PIK3CD: variants seen among roughly 807,000 people sequenced by gnomAD.
PIK3CD encodes phosphatidylinositol-4,5-bisphosphate 3-kinase catalytic subunit delta, also known as phosphatidylinositol 4,5-bisphosphate 3-kinase catalytic subunit delta isoform.
Under a neutral mutation model 122.9 loss-of-function variants are expected in PIK3CD, and 20 were observed. That is an observed-to-expected ratio of 0.16 (90% confidence interval 0.11 to 0.24). PIK3CD has a LOEUF of 0.24. Among genes scored for constraint, PIK3CD ranks in the 10% least tolerant of loss-of-function variants. The pLI is 1.00. For synonymous variants in PIK3CD, 596 were observed against 593.4 expected, an observed-to-expected ratio of 1.00 and a Z score of -0.06; for missense variants, 787 against 1,406.3, an observed-to-expected ratio of 0.56 and a Z score of 7.04.
rs906973167 is a variant in PIK3CD at position 9,721,777 on chromosome 1, C to G, written c.1972C>G (p.Pro658Ala). Residue 658 changes from proline (P) to alanine (A), a missense_variant, in exon 16 of 24, where the codon CCG (proline) becomes GCG (alanine). Pro to Ala is a conservative substitution (Grantham distance 27). Transcript: ENST00000377346. ...FWHLRSEMHVPSVALRFGLIL... is the reference protein window; with the variant it reads ...FWHLRSEMHVASVALRFGLIL... ...ACCTTCCAGCTCCGAGATGCACGTGCCGTCGGTGGCCCTGCGCTTCGGCCT... is the reference window on the plus strand; with the variant it reads ...ACCTTCCAGCTCCGAGATGCACGTGGCGTCGGTGGCCCTGCGCTTCGGCCT... 1 of 1,613,230 alleles carries G rather than the reference C, an allele frequency of 6.2e-7. No individual in the cohort carries two copies. The highest frequency in any genetic ancestry group is 1.3e-5 in the African/African-American group (1 of 75,056).
chr1:9,721,836 C>T lies in PIK3CD; in HGVS notation c.2031C>T (p.His677=). The T allele has an allele frequency of 1.9e-6, 3 of 1,613,186 alleles. No individual in the cohort carries two copies. The South Asian group carries it at 3.3e-5, about 18-fold the overall frequency. The change falls in exon 16 of 24, where the codon CAC becomes CAT. Residue 677 remains histidine (H), a synonymous_variant. Transcript: ENST00000377346. ...ILEAYCRGST[H]HMKVLMKQGE... ...AGGCCTACTGCAGGGGCAGCACCCACCACATGAAGGTGCTGATGAAGCAGG... is the reference window on the plus strand; with the variant it reads ...AGGCCTACTGCAGGGGCAGCACCCATCACATGAAGGTGCTGATGAAGCAGG...
chr1:9,661,478 A>G (rs1645006619), intron 1 of PIK3CD, among the ~76,000 whole-genome samples: 1 of 152,138 alleles, frequency 6.6e-6, no homozygotes, highest in Non-Finnish European at 1.5e-5. Context: ...AGCCTCGACT[A>G]TATGGGCTCA....
the PIK3CD span, among the ~76,000 whole-genome samples, chr1:9,635,585 G>C: frequency 1.3e-5 from 2 of 152,164 alleles, no homozygotes; most frequent in East Asian, 3.8e-4. Context: ...GATACCCCTG[G>C]TCTTATCAAC....
intron 1 of PIK3CD, among the ~76,000 whole-genome samples, chr1:9,686,398 C>T (rs1645968309): frequency 6.7e-6 from 1 of 149,430 alleles, no homozygotes; most frequent in Non-Finnish European, 1.5e-5. Context: ...GACGAGGTCT[C>T]ACTGTTTTGC....
chr1:9,705,099 G>A (rs1646779552), intron 2 of PIK3CD, among the ~76,000 whole-genome samples: 1 of 152,138 alleles, frequency 6.6e-6, no homozygotes, highest in African/African-American at 2.4e-5. Flanking sequence ...TTTAAGTAGA[G>A]AAGTCTTTGC....
intron 1 of PIK3CD, among the ~76,000 whole-genome samples, chr1:9,669,144 C>T (rs377060229): frequency 1.3e-5 from 2 of 152,160 alleles, no homozygotes; most frequent in East Asian, 3.8e-4. Context: ...AATGCCTGCT[C>T]TTGAAACCTT....
the PIK3CD span, among the ~76,000 whole-genome samples, chr1:9,640,041 C>T: frequency 2.0e-5 from 3 of 150,912 alleles, no homozygotes; most frequent in African/African-American, 7.3e-5. Flanking sequence ...CGTGCCCGAC[C>T]TCCTTTCTTT....
At position 9,703,488 on chromosome 1, in the gene PIK3CD, G is replaced by A. The variant is rs185963268; in HGVS notation, c.-32-6936G>A. 3.4e-4 allele frequency among the ~76,000 whole-genome samples: 51 copies of A among 152,238 alleles called. No individual in the cohort carries two copies. The East Asian group carries it at 6.7e-3, about 20-fold the overall frequency. On this transcript the variant is annotated intron_variant, in intron 2 of 23. Coordinates refer to ENST00000377346, the MANE Select transcript of PIK3CD (RefSeq NM_005026.5). ...AACGTAAAGTTACTAGCACCCAGAA[G>A]CCTCCCATGCGCCCTTCTAGTCACT... is the stretch of plus-strand genomic sequence containing the variant.
chr1:9,695,634 G>A (rs1260126059), intron 2 of PIK3CD, among the ~76,000 whole-genome samples: 1 of 152,140 alleles, frequency 6.6e-6, no homozygotes, highest in Non-Finnish European at 1.5e-5. Flanking sequence ...ACTAGGTCAG[G>A]AGTTCAAGAC....
In PIK3CD at chr1:9,723,218, C is replaced by A. The variant is rs1397536891; in HGVS notation, c.2520C>A (p.Asn840Lys). 2 of 1,613,776 alleles carry A rather than the reference C, an allele frequency of 1.2e-6. No individual in the cohort carries two copies. Among genetic ancestry groups the A allele is most frequent in the African/African-American group, 2.7e-5 (2 of 74,928 alleles). The change falls in exon 20 of 24, where the codon AAC becomes AAA. Residue 840 changes from asparagine (N) to lysine (K), a missense_variant. Asn to Lys is a moderately conservative substitution (Grantham distance 94). Around this residue, in one of 6 missense-constraint regions of PIK3CD, gnomAD observed 69 missense variants for 166.8 expected, o/e 0.41. Coordinates refer to ENST00000377346, the MANE Select transcript of PIK3CD (RefSeq NM_005026.5). The surrounding 1 kb of genome is among the most constrained non-coding windows in gnomAD (Gnocchi z 4.9). The stretch of plus-strand genomic sequence containing the variant: ...ACACCATCGCCAACATCCAACTCAA[C>A]AAGAGCAACATGGCAGCCACAGCCG... Reference protein sequence around the residue: ...RSDTIANIQLNKSNMAATAAF... With the variant: ...RSDTIANIQLKKSNMAATAAF...
chr1:9,636,947 G>T, the PIK3CD span, among the ~76,000 whole-genome samples: 1 of 151,696 alleles, frequency 6.6e-6, no homozygotes, highest in Non-Finnish European at 1.5e-5. Context: ...ACCCAGGCTG[G>T]AATGCAGTGG....
chr1:9,719,313 C>T lies in PIK3CD; in HGVS notation c.1242+398C>T, dbSNP rs1365367171. Among the ~76,000 whole-genome samples, 1 of 152,154 alleles carries T rather than the reference C, an allele frequency of 6.6e-6. No homozygotes were observed. The highest frequency in any genetic ancestry group is 2.1e-4 in the South Asian group (1 of 4,824). ...GGCTCCCCTCGGAGCTGACTCACTC[C>T]GAGCTGAGCTGGGCTGGCCTCTGGG... is the stretch of plus-strand genomic sequence containing the variant. On this transcript the variant is annotated intron_variant, in intron 9 of 23. Coordinates refer to ENST00000377346, the MANE Select transcript of PIK3CD (RefSeq NM_005026.5). The surrounding 1 kb of genome is among the most constrained non-coding windows in gnomAD (Gnocchi z 5.5).
rs1469537812 is a variant in PIK3CD at position 9,717,618 on chromosome 1, C to G, written c.1012C>G (p.Arg338Gly). 1 of 1,613,962 alleles carries G rather than the reference C, an allele frequency of 6.2e-7. No individual in the cohort carries two copies. The highest frequency in any genetic ancestry group is 8.5e-7 in the Non-Finnish European group (1 of 1,179,918). The change falls in exon 8 of 24, where the codon CGG becomes GGG. Residue 338 changes from arginine (R) to glycine (G), a missense_variant. This residue lies in a region of PIK3CD where 592 missense variants were observed against 920.6 expected (regional missense o/e 0.64). Coordinates refer to ENST00000377346, the MANE Select transcript of PIK3CD (RefSeq NM_005026.5). The surrounding 1 kb of genome is among the most constrained non-coding windows in gnomAD (Gnocchi z 5.4). ...IQGSKVNADERMKLVVQAGLF... is the reference protein window; with the variant it reads ...IQGSKVNADEGMKLVVQAGLF... ...GGGCAGCAAAGTGAACGCCGACGAG[C>G]GGATGAAGGTGGGGCTCCTGGGATA...
intron 13 of PIK3CD, 98 bp downstream of exon 13, chr1:9,721,007 G>A: frequency 6.9e-7 from 1 of 1,454,958 alleles, no homozygotes; most frequent in Non-Finnish European, 9.3e-7. Context: ...CCTCACCCTG[G>A]CCAACCTTCA....
chr1:9,656,676 C>A (rs1483556062), intron 1 of PIK3CD, among the ~76,000 whole-genome samples: 1 of 152,124 alleles, frequency 6.6e-6, no homozygotes, highest in East Asian at 1.9e-4. Context: ...GGTGTGATAG[C>A]TCACGCCTGT....
intron 1 of PIK3CD, among the ~76,000 whole-genome samples, chr1:9,687,816 C>G (rs745890728): frequency 3.6e-4 from 55 of 152,200 alleles, no homozygotes; most frequent in Non-Finnish European, 3.4e-4. Context: ...GAGTGAATGT[C>G]TGTGTGTGAC....
chr1:9,643,828 C>G, the PIK3CD span, among the ~76,000 whole-genome samples: 2 of 152,178 alleles, frequency 1.3e-5, no homozygotes, highest in Admixed American at 1.3e-4. Context: ...AAAGAAGGTG[C>G]TCTTAACCCC....
intron 2 of PIK3CD, among the ~76,000 whole-genome samples, chr1:9,698,873 G>A (rs779955177): frequency 6.6e-6 from 1 of 151,952 alleles, no homozygotes; most frequent in Non-Finnish European, 1.5e-5. Flanking sequence ...TTTTCTGATG[G>A]CAGCAGTAGA....
At position 9,715,927 on chromosome 1, in the gene PIK3CD, C is replaced by T. The variant is rs201492009; in HGVS notation, c.449C>T (p.Ala150Val). 7.4e-5 allele frequency: 120 copies of T among 1,611,810 alleles called. No individual in the cohort carries two copies. In the African/African-American group the frequency reaches 1.3e-3, roughly 17 times the overall value. ...AAGATGTGCCAATTCTGCGAGGAGGCGGCCGCCCGCCGGCAGCAGCTGGGC... is the reference window on the plus strand; with the variant it reads ...AAGATGTGCCAATTCTGCGAGGAGGTGGCCGCCCGCCGGCAGCAGCTGGGC... ...RAKMCQFCEE[A>V]AARRQQLGWE... Residue 150 changes from alanine (A) to valine (V), a missense_variant, in exon 5 of 24, where the codon GCG (alanine) becomes GTG (valine). Coordinates refer to ENST00000377346, the MANE Select transcript of PIK3CD (RefSeq NM_005026.5). The surrounding 1 kb of genome is among the most constrained non-coding windows in gnomAD (Gnocchi z 4.1).
Sources: gnomAD v4.1 joint callset for allele counts (sites outside exome capture counted in the v4.1 genomes callset) on GRCh38, gnomAD v4.1.1 for gene constraint, gnomAD v4.1.1 regional missense constraint, Gnocchi (gnomAD v3.1) non-coding constraint, MANE v1.5 for transcripts, NCBI Gene and HGNC (gene_info 2026-07-23, HGNC 2026-07-21) for gene names.